The following NOCT variants were observed in gnomAD, a reference collection of about 807,000 sequenced individuals.
NOCT encodes CCR4 carbon catabolite repression 4-like.
Under a neutral mutation model 35.0 loss-of-function variants are expected in NOCT, and 18 were observed. The ratio of observed to expected loss-of-function variants is 0.51; its 90% CI spans 0.36 to 0.76. The LOEUF is 0.76. Among genes scored for constraint, NOCT ranks in the 30% least tolerant of loss-of-function variants. The pLI, the probability that NOCT is intolerant of heterozygous loss-of-function variation, is 0.01. For synonymous variants in NOCT, 235 were observed against 226.3 expected (o/e 1.04, Z -0.34); for missense variants, 479 against 541.0 (o/e 0.89, Z 1.14).
At chr4:139,016,881 C>T (rs530677214) in intron 1 of NOCT, among the ~76,000 whole-genome samples, 22 of 151,598 alleles carry the variant, frequency 1.5e-4, no homozygotes, top group African/African-American at 4.6e-4. Context: ...TCTTGAACTC[C>T]TGACCTCGTG....
intron 1 of NOCT, among the ~76,000 whole-genome samples, chr4:139,025,672 G>A (rs1726499271): frequency 6.6e-6 from 1 of 152,072 alleles, no homozygotes; most frequent in Non-Finnish European, 1.5e-5. Flanking sequence ...GTGGTGGCGG[G>A]TGCCTGTAAT....
intron 1 of NOCT, among the ~76,000 whole-genome samples, chr4:139,017,982 G>A (rs1229510637): frequency 2.0e-5 from 3 of 152,048 alleles, no homozygotes; most frequent in Non-Finnish European, 4.4e-5. Context: ...TTTGCAGGTG[G>A]AAGCCACCAT....
At chr4:139,029,727 T>C (rs1726592630) in intron 1 of NOCT, among the ~76,000 whole-genome samples, 3 of 152,108 alleles carry the variant, frequency 2.0e-5, no homozygotes, top group Admixed American at 2.0e-4. Flanking sequence ...TAGAATCCAG[T>C]CTCTAGGATC....
intron 1 of NOCT, among the ~76,000 whole-genome samples, chr4:139,040,313 T>C (rs963284150): frequency 2.0e-5 from 3 of 152,122 alleles, no homozygotes; most frequent in Admixed American, 2.0e-4. Context: ...GTGCTGGGAT[T>C]ACAGGCTTGA....
chr4:139,035,129 A>G (rs571221777), intron 1 of NOCT, among the ~76,000 whole-genome samples: 10 of 148,766 alleles, frequency 6.7e-5, no homozygotes, highest in Admixed American at 4.0e-4. Flanking sequence ...AACTGTGGAC[A>G]TTTTTTTTTT....
chr4:139,022,325 CAT>C (rs1174248780), intron 1 of NOCT, among the ~76,000 whole-genome samples: 1 of 152,148 alleles, frequency 6.6e-6, no homozygotes, highest in Non-Finnish European at 1.5e-5. Context: ...ACACTTGAAT[CAT>C]ATATTAATAC....
rs59044230 is a variant in NOCT at position 139,043,980 on chromosome 4, GTATATATATATATATATA to G, written c.460+644_461-635del. 3 of 135,392 alleles carry G rather than the reference GTATATATATATATATATA, an allele frequency of 2.2e-5. No individual in the cohort carries two copies. In the East Asian group the frequency reaches 6.3e-4, roughly 28 times the overall value. The allele number at this position is 135,392 out of a possible 1,614,324, so 8.4% of individuals were successfully genotyped here. A position where few individuals can be genotyped will look rare whatever the true frequency, so the allele number is the denominator to read the frequency against. ...GTGAGACACTGTCTCAAAAAAATAT[GTATATATATATATATATA>G]TATATACACTTTGTTACAGTAGTAA... On this transcript the variant is annotated intron_variant, in intron 2 of 2. Transcript: ENST00000280614.
intron 1 of NOCT, among the ~76,000 whole-genome samples, chr4:139,019,124 C>CTACACTACAGGAGGTGTAGT (rs1257167206): frequency 6.6e-6 from 1 of 152,192 alleles, no homozygotes; most frequent in Non-Finnish European, 1.5e-5. Flanking sequence ...GGCGCCACCT[C>CTACACTACAGGAGGTGTAGT]TGCTCACTGC....
At chr4:139,019,073 G>A in intron 1 of NOCT, among the ~76,000 whole-genome samples, 1 of 151,910 alleles carries the variant, frequency 6.6e-6, no homozygotes, top group East Asian at 1.9e-4. Context: ...TTTTTTTTGA[G>A]ACAAGGTTCT....
rs572657240 is a variant in NOCT, at chr4:139,034,774, T to G, written c.191-8300T>G. 5.9e-5 allele frequency among the ~76,000 whole-genome samples: 9 copies of G among 152,248 alleles called. No homozygotes were observed. In the South Asian group the frequency reaches 1.9e-3, roughly 32 times the overall value. On this transcript the variant is annotated intron_variant, in intron 1 of 2. Coordinates refer to ENST00000280614, the MANE Select transcript of NOCT (RefSeq NM_012118.4). ...TTTATGTTCATCATGTTGCTTAGGCTGATCTCAAACTCCTTGGCTCAAGTG... is the reference window on the plus strand; with the variant it reads ...TTTATGTTCATCATGTTGCTTAGGCGGATCTCAAACTCCTTGGCTCAAGTG...
intron 1 of NOCT, among the ~76,000 whole-genome samples, chr4:139,039,414 G>T (rs1012210214): frequency 6.6e-6 from 1 of 151,360 alleles, no homozygotes; most frequent in African/African-American, 2.4e-5. Flanking sequence ...ATTCTGGGTT[G>T]ATACTCTCAA....
chr4:139,016,644 T>G (rs1475623888), intron 1 of NOCT, among the ~76,000 whole-genome samples: 1 of 7,242 alleles, frequency 1.4e-4, no homozygotes, highest in African/African-American at 3.7e-4. Flanking sequence ...TTACGTTGTT[T>G]TTTTTTTTTT....
chr4:139,042,734 G>A (rs1267829167), intron 1 of NOCT, among the ~76,000 whole-genome samples: 1 of 152,040 alleles, frequency 6.6e-6, no homozygotes, highest in East Asian at 1.9e-4. Flanking sequence ...TGACCAACAT[G>A]GGGAAACCCC....
Position 139,045,628 on chromosome 4 carries a change from T to A in NOCT, c.*154T>A, listed in dbSNP as rs1183747074. The stretch of plus-strand genomic sequence containing the variant: ...GCCTCCCGGGTTCATGGCATTCTCC[T>A]GCCTCAGCCTCCAGAGCAACTGGGA... On this transcript the variant is annotated 3_prime_UTR_variant, in exon 3 of 3. Coordinates refer to ENST00000280614, the MANE Select transcript of NOCT (RefSeq NM_012118.4). The A allele has an allele frequency of 9.6e-6, 5 of 523,286 alleles. No individual in the cohort carries two copies. Among genetic ancestry groups the A allele is most frequent in the Admixed American group, 7.5e-5 (2 of 26,650 alleles). 32.4% of individuals were successfully genotyped at this position (523,286 alleles called of 1,614,324 possible).
At chr4:139,037,437 A>AT (rs1578631635) in intron 1 of NOCT, among the ~76,000 whole-genome samples, 2 of 151,962 alleles carry the variant, frequency 1.3e-5, no homozygotes, top group South Asian at 4.1e-4. Flanking sequence ...AATAATTACT[A>AT]TTTTTTTATT....
In NOCT at chr4:139,045,177, C is replaced by G; in HGVS notation, c.999C>G (p.Val333=). The change falls in exon 3 of 3, where the codon GTC becomes GTG. Residue 333 remains valine, a synonymous_variant. Transcript: ENST00000280614. ...TCAATGCAGAGCCAACAGAAGAGGT[C>G]TACAAACACTTTGCTTCCTCCAGCC... ...GDFNAEPTEE[V]YKHFASSSLN... The G allele has an allele frequency of 6.2e-7, 1 of 1,614,154 alleles. No homozygotes were observed. The highest frequency in any genetic ancestry group is 8.5e-7 in the Non-Finnish European group (1 of 1,180,028).
intron 1 of NOCT, among the ~76,000 whole-genome samples, chr4:139,025,417 TC>T (rs1393992894): frequency 6.6e-6 from 1 of 152,198 alleles, no homozygotes; most frequent in Non-Finnish European, 1.5e-5. Context: ...CTCTGTTAAT[TC>T]AAACTTGTTT....
At chr4:139,034,119 G>A (rs1428462067) in intron 1 of NOCT, among the ~76,000 whole-genome samples, 1 of 152,132 alleles carries the variant, frequency 6.6e-6, no homozygotes, top group Non-Finnish European at 1.5e-5. Context: ...ATCTGGTAAG[G>A]GCCTTGTTGC....
At chr4:139,037,655 C>T (rs940866840) in intron 1 of NOCT, among the ~76,000 whole-genome samples, 22 of 152,146 alleles carry the variant, frequency 1.4e-4, no homozygotes, top group African/African-American at 5.3e-4. Context: ...AAGTTTCCCC[C>T]GTTCTAACCC....
Sources: allele counts gnomAD v4.1 joint callset (sites outside exome capture counted in the v4.1 genomes callset), GRCh38; gene constraint gnomAD v4.1.1; transcripts MANE v1.5; gene names NCBI Gene and HGNC (gene_info 2026-07-23, HGNC 2026-07-21).